DPP10: variants seen among roughly 807,000 people sequenced by gnomAD.
The protein encoded by DPP10 is inactive dipeptidyl peptidase 10.
Under a neutral mutation model 120.9 loss-of-function variants are expected in DPP10, and 33 were observed. That is an observed-to-expected ratio of 0.27 (90% confidence interval 0.21 to 0.37). The LOEUF (loss-of-function observed/expected upper bound fraction) is 0.37. DPP10 is among the 10% of genes least tolerant of loss of function. DPP10 has a pLI of 1.00. For synonymous variants in DPP10, 337 were observed against 326.1 expected (o/e 1.03, Z -0.36); for missense variants, 816 against 942.8 (o/e 0.87, Z 1.76).
chr2:114,899,537 A>G (rs989391254), intron 1 of DPP10, among the ~76,000 whole-genome samples: 1 of 152,136 alleles, frequency 6.6e-6, no homozygotes, highest in African/African-American at 2.4e-5. Flanking sequence ...TTATACTTTT[A>G]CCACCTAACT....
intron 1 of DPP10, among the ~76,000 whole-genome samples, chr2:115,192,533 T>C (rs2054960093): frequency 6.6e-6 from 1 of 152,238 alleles, no homozygotes; most frequent in African/African-American, 2.4e-5. Flanking sequence ...TTGGATAACA[T>C]TTCTCTCAGT....
intron 1 of DPP10, among the ~76,000 whole-genome samples, chr2:114,600,266 A>G (rs1331151267): frequency 6.6e-6 from 1 of 151,714 alleles, no homozygotes; most frequent in African/African-American, 2.4e-5. Context: ...ATTTCTGTGT[A>G]TTGAAGCTTA....
intron 1 of DPP10, among the ~76,000 whole-genome samples, chr2:115,172,250 G>C (rs1262788258): frequency 6.6e-6 from 1 of 152,144 alleles, no homozygotes; most frequent in Non-Finnish European, 1.5e-5. Flanking sequence ...CGGGCGTGGT[G>C]GTGGGTGCCT....
At chr2:114,592,812 ACTACTTTTATGG>A (rs2105170280) in intron 1 of DPP10, among the ~76,000 whole-genome samples, 1 of 152,292 alleles carries the variant, frequency 6.6e-6, no homozygotes, top group African/African-American at 2.4e-5. Flanking sequence ...ACTCTCATCT[ACTACTTTTATGG>A]TGAACACTTT....
At chr2:114,741,659 C>G (rs1207315128) in intron 1 of DPP10, among the ~76,000 whole-genome samples, 1 of 152,046 alleles carries the variant, frequency 6.6e-6, no homozygotes, top group African/African-American at 2.4e-5. Context: ...CAGATGAGGT[C>G]ATTAGGGAGT....
chr2:115,531,707 T>C (rs1295555914), intron 5 of DPP10, among the ~76,000 whole-genome samples: 1 of 152,112 alleles, frequency 6.6e-6, no homozygotes, highest in African/African-American at 2.4e-5. Context: ...TTGCATATAC[T>C]ATGAAGATAG....
chr2:114,500,285 C>T (rs1683041418), intron 1 of DPP10, among the ~76,000 whole-genome samples: 1 of 152,138 alleles, frequency 6.6e-6, no homozygotes, highest in Non-Finnish European at 1.5e-5. Flanking sequence ...TGCAGTTACC[C>T]TATTGAACAA....
intron 5 of DPP10, among the ~76,000 whole-genome samples, chr2:115,583,436 A>C (rs2082112160): frequency 6.6e-6 from 1 of 152,190 alleles, no homozygotes; most frequent in African/African-American, 2.4e-5. Context: ...AAGCCCAAGA[A>C]GGCCTCTTGG....
intron 1 of DPP10, among the ~76,000 whole-genome samples, chr2:115,271,855 G>A (rs2059712107): frequency 6.6e-6 from 1 of 152,080 alleles, no homozygotes; most frequent in Non-Finnish European, 1.5e-5. Context: ...TTTTAACTGA[G>A]AAAGATGAAA....
intron 1 of DPP10, among the ~76,000 whole-genome samples, chr2:115,306,749 T>C (rs2061374657): frequency 6.6e-6 from 1 of 152,118 alleles, no homozygotes; most frequent in East Asian, 1.9e-4. Context: ...CAGAAAAATA[T>C]GTCTCGCTCA....
At chr2:115,803,990 T>G (rs1243237957) in intron 19 of DPP10, among the ~76,000 whole-genome samples, 1 of 152,152 alleles carries the variant, frequency 6.6e-6, no homozygotes, top group African/African-American at 2.4e-5. Flanking sequence ...CTTGCTAGAT[T>G]GGGGAAGTTC....
At chr2:114,891,076 T>C (rs557790781) in intron 1 of DPP10, among the ~76,000 whole-genome samples, 1 of 152,180 alleles carries the variant, frequency 6.6e-6, no homozygotes, top group Non-Finnish European at 1.5e-5. Flanking sequence ...TGATTTTTTT[T>C]TTTTGGTAAA....
At position 115,689,758 on chromosome 2, in the gene DPP10, T is replaced by C. The variant is rs775323052; in HGVS notation, c.494+19T>C. 12 of 1,606,366 alleles carry C rather than the reference T, an allele frequency of 7.5e-6. No individual in the cohort carries two copies. The highest frequency in any genetic ancestry group is 1.0e-5 in the Non-Finnish European group (12 of 1,174,344). ...ACACTAGGTAAGTTCTTTGATTTTC[T>C]AGTTTTCATGAGCAATTGTGTTACT... On this transcript the variant is annotated intron_variant, in intron 6 of 25. Coordinates refer to ENST00000410059, the MANE Select transcript of DPP10 (RefSeq NM_020868.6).
At chr2:115,373,085 G>GA (rs2065533073) in intron 3 of DPP10, among the ~76,000 whole-genome samples, 3 of 152,202 alleles carry the variant, frequency 2.0e-5, no homozygotes, top group Admixed American at 2.0e-4. Context: ...GTTGCCTAAT[G>GA]AAAGAGATCA....
At chr2:115,101,826 G>T (rs56958450) in intron 1 of DPP10, among the ~76,000 whole-genome samples, 16 of 152,066 alleles carry the variant, frequency 1.1e-4, no homozygotes, top group African/African-American at 3.6e-4. Flanking sequence ...GGCCTCTAAC[G>T]CACTTGCAAC....
At chr2:115,434,458 C>G (rs1306201989) in intron 3 of DPP10, among the ~76,000 whole-genome samples, 1 of 151,876 alleles carries the variant, frequency 6.6e-6, no homozygotes, top group Non-Finnish European at 1.5e-5. Context: ...AATAGGGTAA[C>G]AGATGTAATA....
intron 5 of DPP10, among the ~76,000 whole-genome samples, chr2:115,530,679 C>CAAAAAAAAAAAA (rs70941069): frequency 6.8e-6 from 1 of 147,586 alleles, no homozygotes; most frequent in African/African-American, 2.5e-5. Flanking sequence ...GACTCTGTCT[C>CAAAAAAAAAAAA]AAAAAAAAAA....
At position 115,239,443 on chromosome 2, in the gene DPP10, T is replaced by C. The variant is rs969896796; in HGVS notation, c.61-69796T>C. 5.0e-4 allele frequency among the ~76,000 whole-genome samples: 76 copies of C among 152,150 alleles called. 1 individual carries two copies. Among genetic ancestry groups the C allele is most frequent in the Admixed American group, 3.9e-3 (60 of 15,260 alleles). On this transcript the variant is annotated intron_variant, in intron 1 of 25. Coordinates refer to ENST00000410059, the MANE Select transcript of DPP10 (RefSeq NM_020868.6). ...ACCCTGATCAGTCAGCAGCTAGTAATAGCAAGGCAAGTTCCTCCACCAGCA... is the reference window on the plus strand; with the variant it reads ...ACCCTGATCAGTCAGCAGCTAGTAACAGCAAGGCAAGTTCCTCCACCAGCA...
intron 5 of DPP10, among the ~76,000 whole-genome samples, chr2:115,572,544 TTA>T (rs2081397039): frequency 6.6e-6 from 1 of 152,208 alleles, no homozygotes; most frequent in Non-Finnish European, 1.5e-5. Context: ...AATGTGTTTT[TTA>T]TATCTGTTTC....
Sources: allele counts gnomAD v4.1 joint callset (sites outside exome capture counted in the v4.1 genomes callset), GRCh38; gene constraint gnomAD v4.1.1; transcripts MANE v1.5; gene names NCBI Gene and HGNC (gene_info 2026-07-23, HGNC 2026-07-21).